Variants in PCNX4 observed in about 807,000 individuals in gnomAD.
The protein encoded by PCNX4 is pecanex 4.
PCNX4 carries 103 observed loss-of-function variants against 107.2 expected under a neutral mutation model. That is an observed-to-expected ratio of 0.96 (90% CI 0.82 to 1.13). The LOEUF (loss-of-function observed/expected upper bound fraction) is 1.13. Among genes scored for constraint, PCNX4 ranks in the 50% most tolerant of loss-of-function variants. The pLI, the probability that PCNX4 is intolerant of heterozygous loss-of-function variation, is 0.00. For missense variants in PCNX4, 1,528 were observed against 1,379.4 expected (o/e 1.11, Z -1.71); for synonymous variants, 541 against 481.7 (o/e 1.12, Z -1.61).
chr14:60,113,051 G>A (rs984162947), intron 2 of PCNX4, among the ~76,000 whole-genome samples: 2 of 152,080 alleles, frequency 1.3e-5, no homozygotes, highest in South Asian at 2.1e-4. Context: ...GCGTGGTGGC[G>A]TGTGCCTGTA....
rs897976614 is a variant in PCNX4, at chr14:60,145,150, C to T, written c.*10929C>T. The T allele has an allele frequency of 1.4e-5, 8 of 574,818 alleles. No homozygotes were observed. In the Middle Eastern group the frequency reaches 3.5e-3, roughly 251 times the overall value. 35.6% of individuals were successfully genotyped at this position (574,818 alleles called of 1,614,324 possible). On this transcript the variant is annotated 3_prime_UTR_variant, in exon 11 of 11. Transcript: ENST00000406854. This position sits in a 1 kb window ranked among gnomAD's most constrained non-coding sequence, Gnocchi z 4.0. ...AATCTTTACAAAAGTTCAGAAACTG[C>T]TTAAATTAGAATTTAAAAATCATAG...
At chr14:60,127,854 C>T (rs1404804208) in intron 10 of PCNX4, among the ~76,000 whole-genome samples, 2 of 151,880 alleles carry the variant, frequency 1.3e-5, no homozygotes, top group Non-Finnish European at 2.9e-5. Flanking sequence ...TTCATAGAAC[C>T]AAAGGAAATC....
rs114486364 is a variant in PCNX4, at chr14:60,102,052, G to T, written c.-53-5534G>T. 3.0e-3 allele frequency among the ~76,000 whole-genome samples: 464 copies of T among 152,346 alleles called. 4 individuals carry two copies. Among genetic ancestry groups the T allele is most frequent in the African/African-American group, 0.011 (444 of 41,580 alleles). ...ACTCTAAATCAGTGAGTAGAATGGT[G>T]ATTGCCAGAGAATGGGGGGAGGGAA... On this transcript the variant is annotated intron_variant, in intron 1 of 10. Coordinates refer to ENST00000406854, the MANE Select transcript of PCNX4 (RefSeq NM_001330177.2).
At chr14:60,130,232 C>G (rs1896130051) in intron 10 of PCNX4, among the ~76,000 whole-genome samples, 1 of 151,290 alleles carries the variant, frequency 6.6e-6, no homozygotes, top group Non-Finnish European at 1.5e-5. Context: ...CCCAGCTACT[C>G]TGGAGGCTGA....
At chr14:60,108,567 C>A in intron 2 of PCNX4, 1 of 303,280 alleles carries the variant, frequency 3.3e-6, no homozygotes, top group Non-Finnish European at 6.3e-6. Context: ...AGGAACTTTT[C>A]AATTTTGTGT....
At chr14:60,096,258 A>G (rs1415700415) in intron 1 of PCNX4, among the ~76,000 whole-genome samples, 1 of 152,176 alleles carries the variant, frequency 6.6e-6, no homozygotes, top group South Asian at 2.1e-4. Context: ...TGCTGCCGTG[A>G]GTCTATGTAA....
chr14:60,094,307 A>G, intron 1 of PCNX4, among the ~76,000 whole-genome samples: 1 of 74,194 alleles, frequency 1.3e-5, no homozygotes, highest in South Asian at 3.6e-4. Context: ...CTTTTCTCCA[A>G]AGAACCCTAT....
chr14:60,113,809 T>C (rs1329083309), intron 2 of PCNX4, among the ~76,000 whole-genome samples: 5 of 152,240 alleles, frequency 3.3e-5, no homozygotes, highest in African/African-American at 1.2e-4. Flanking sequence ...TATTGGTCTC[T>C]GGACACAGTG....
chr14:60,103,081 C>T (rs1895563400), intron 1 of PCNX4, among the ~76,000 whole-genome samples: 1 of 152,106 alleles, frequency 6.6e-6, no homozygotes, highest in African/African-American at 2.4e-5. Context: ...GTTTTTAGGT[C>T]TGATATGCTT....
chr14:60,124,869 A>G lies in PCNX4; in HGVS notation c.2698A>G (p.Met900Val). 1 of 1,613,690 alleles carries G rather than the reference A, an allele frequency of 6.2e-7. No individual in the cohort carries two copies. The highest frequency in any genetic ancestry group is 8.5e-7 in the Non-Finnish European group (1 of 1,179,654). ...AGAGGACATGCCATATATTCCTCTCATGGAGTTCAGTTGTTCACATTCTCA... is the reference window on the plus strand; with the variant it reads ...AGAGGACATGCCATATATTCCTCTCGTGGAGTTCAGTTGTTCACATTCTCA... ...KQEDMPYIPL[M>V]EFSCSHSHLV... The change falls in exon 9 of 11, where the codon ATG becomes GTG. Residue 900 changes from methionine to valine, a missense_variant. Transcript: ENST00000406854.
rs1896259507 is a variant in PCNX4, at chr14:60,137,915, C to T, written c.*3694C>T. 6.6e-6 allele frequency: 1 copy of T among 151,554 alleles called. No individual in the cohort carries two copies. The highest frequency in any genetic ancestry group is 2.4e-5 in the African/African-American group (1 of 41,120). 9.4% of individuals were successfully genotyped at this position (151,554 alleles called of 1,614,324 possible). A position where few individuals can be genotyped will look rare whatever the true frequency, so the allele number is the denominator to read the frequency against. ...CCATCCTGGCTAACACAATGAAACC[C>T]CATCTGTAGTAAAAATAAAAAAAAA... On this transcript the variant is annotated 3_prime_UTR_variant, in exon 11 of 11. Transcript: ENST00000406854.
At chr14:60,118,215 C>A in intron 6 of PCNX4, 114 bp from the exon 7 acceptor site, 2 of 1,281,440 alleles carry the variant, frequency 1.6e-6, no homozygotes, top group Non-Finnish European at 2.0e-6. Flanking sequence ...AGATTTATTT[C>A]TTCAAAAATA....
chr14:60,120,158 A>T (rs1049299530), intron 7 of PCNX4, among the ~76,000 whole-genome samples: 1 of 152,174 alleles, frequency 6.6e-6, no homozygotes, highest in African/African-American at 2.4e-5. Context: ...GGGAAAAATC[A>T]TAAGGAGTAA....
chr14:60,112,926 G>A (rs1244691925), intron 2 of PCNX4, among the ~76,000 whole-genome samples: 4 of 152,230 alleles, frequency 2.6e-5, no homozygotes, highest in Non-Finnish European at 4.4e-5. Flanking sequence ...GCTCACGCCT[G>A]TAATCCCAGC....
rs1227265804 is a variant in PCNX4, at chr14:60,137,826, A to G, written c.*3605A>G. The G allele has an allele frequency of 6.6e-6, 1 of 152,246 alleles. No homozygotes were observed. Among genetic ancestry groups the G allele is most frequent in the Non-Finnish European group, 1.5e-5 (1 of 68,088 alleles). The allele number at this position is 152,246 out of a possible 1,614,324, so 9.4% of individuals were successfully genotyped here. On this transcript the variant is annotated 3_prime_UTR_variant, in exon 11 of 11. Transcript: ENST00000406854. Reference sequence around the variant, plus strand: ...GTGAATAGGCCGGGCGCGGTGGCTCACGCCTGTAATCCCAGCACTTTGGGA... The same window carrying G: ...GTGAATAGGCCGGGCGCGGTGGCTCGCGCCTGTAATCCCAGCACTTTGGGA...
chr14:60,108,058 A>G lies in PCNX4; in HGVS notation c.420A>G (p.Thr140=), dbSNP rs181772394. 610 of 1,612,872 alleles carry G rather than the reference A, an allele frequency of 3.8e-4. 2 individuals carry two copies. In the African/African-American group the frequency reaches 6.7e-3, roughly 18 times the overall value. ...LIPGKKYVAN[T]VFHSILAGLA... ...CTGGCAAGAAATATGTAGCCAATAC[A>G]GTTTTTCATTCTATTCTTGCTGGAT... Residue 140 remains threonine, a synonymous_variant, in exon 2 of 11, where the codon ACA becomes ACG. Transcript: ENST00000406854.
rs1895773268 is a variant in PCNX4, at chr14:60,113,206, A to G, written c.690-1494A>G. ...AAAACAAAACAAATTTGAAGGGCAT[A>G]CATTATGAGGCAGAGCACATTAGTT... On this transcript the variant is annotated intron_variant, in intron 2 of 10. Transcript: ENST00000406854. Among the ~76,000 whole-genome samples the G allele has an allele frequency of 2.6e-5, 4 of 152,356 alleles. No individual in the cohort carries two copies. The South Asian group carries it at 8.3e-4, about 32-fold the overall frequency.
At chr14:60,115,484 C>T (rs184316913) in intron 4 of PCNX4, 23 bp downstream of exon 4, 1 of 1,508,448 alleles carries the variant, frequency 6.6e-7, no homozygotes, top group Non-Finnish European at 8.8e-7. Context: ...AGTCTATTAA[C>T]CTTGTGTTAC....
chr14:60,146,179 T>C lies in PCNX4; in HGVS notation c.*11958T>C, dbSNP rs949779569. ...GTAAGACTATATAATAAGCAATATT[T>C]CAAAGATGGTGGTAGGAAGAAAAAG... On this transcript the variant is annotated 3_prime_UTR_variant, in exon 11 of 11. Transcript: ENST00000406854. The surrounding 1 kb of genome is among the most constrained non-coding windows in gnomAD (Gnocchi z 4.9). The C allele has an allele frequency of 2.0e-4, 31 of 152,062 alleles. No individual in the cohort carries two copies. Among genetic ancestry groups the C allele is most frequent in the African/African-American group, 7.5e-4 (31 of 41,516 alleles). The allele number at this position is 152,062 out of a possible 1,614,324, so 9.4% of individuals were successfully genotyped here. A position where few individuals can be genotyped will look rare whatever the true frequency, so the allele number is the denominator to read the frequency against.
Sources: gnomAD v4.1 joint callset for allele counts (sites outside exome capture counted in the v4.1 genomes callset) on GRCh38, gnomAD v4.1.1 for gene constraint, Gnocchi (gnomAD v3.1) non-coding constraint, MANE v1.5 for transcripts, NCBI Gene and HGNC (gene_info 2026-07-23, HGNC 2026-07-21) for gene names.